Variants in ITPRIP observed in about 807,000 individuals in gnomAD.
ITPRIP encodes the protein inositol 1,4,5-trisphosphate receptor-interacting protein.
A neutral mutation model predicts 35.8 loss-of-function variants in ITPRIP; 32 were observed. That is an observed-to-expected ratio of 0.89 (90% CI 0.68 to 1.20). The LOEUF is 1.20. ITPRIP is among the 50% of genes most tolerant of loss of function. The pLI, the probability that ITPRIP is intolerant of heterozygous loss-of-function variation, is 0.00. For synonymous variants in ITPRIP, 358 were observed against 324.0 expected (o/e 1.11, Z -1.13); for missense variants, 653 against 735.6 (o/e 0.89, Z 1.30).
intron 1 of ITPRIP, among the ~76,000 whole-genome samples, chr10:104,325,404 C>T (rs140157477): frequency 2.3e-3 from 345 of 152,318 alleles, no homozygotes; most frequent in Non-Finnish European, 3.8e-3. Flanking sequence ...CCCTGAAATA[C>T]TGGCTCCACC....
chr10:104,332,014 G>A (rs1170013508), intron 1 of ITPRIP, among the ~76,000 whole-genome samples: 3 of 152,210 alleles, frequency 2.0e-5, no homozygotes, highest in Non-Finnish European at 4.4e-5. Context: ...GACGCCTGAG[G>A]TGGCAGAAAG....
intron 1 of ITPRIP, among the ~76,000 whole-genome samples, chr10:104,318,065 C>T (rs901668151): frequency 6.6e-6 from 1 of 152,012 alleles, no homozygotes; most frequent in Non-Finnish European, 1.5e-5. Flanking sequence ...AGGAGGAAAG[C>T]GGGGACAGGA....
rs142672936 is a variant in ITPRIP, at chr10:104,333,296, G to A, written c.-14+4950C>T. 190 of 152,782 alleles carry A rather than the reference G, an allele frequency of 1.2e-3. No individual in the cohort carries two copies. The highest frequency in any genetic ancestry group is 3.8e-4 in the Non-Finnish European group (26 of 68,382). 9.5% of individuals were successfully genotyped at this position (152,782 alleles called of 1,614,324 possible). On this transcript the variant is annotated intron_variant, in intron 1 of 1. Coordinates refer to ENST00000337478, the MANE Select transcript of ITPRIP (RefSeq NM_001272013.2). The surrounding 1 kb of genome is among the most constrained non-coding windows in gnomAD (Gnocchi z 4.1). ...ACCTCCCTCTTCTATTCACCCTGCC[G>A]CTAACTGGGCCCATCCTCTCCCCAG...
intron 1 of ITPRIP, 72 bp from the exon 2 acceptor site, chr10:104,316,136 C>A: frequency 7.8e-7 from 1 of 1,277,182 alleles, no homozygotes; most frequent in South Asian, 1.5e-5. Context: ...CCCGCACCAA[C>A]CTCAGCCCCT....
In ITPRIP at chr10:104,313,464, T is replaced by TA. The variant is rs1278485760; in HGVS notation, c.*943dup. ...CTTGTGGTTGCCAATGAAGAAGTGA[T>TA]AGAGTTTCTTTTCCAGCTGTCCTTT... On this transcript the variant is annotated 3_prime_UTR_variant, in exon 2 of 2. Coordinates refer to ENST00000337478, the MANE Select transcript of ITPRIP (RefSeq NM_001272013.2). The TA allele has an allele frequency of 1.0e-6, 1 of 985,790 alleles. No individual in the cohort carries two copies. Among genetic ancestry groups the TA allele is most frequent in the Non-Finnish European group, 1.2e-6 (1 of 830,148 alleles). 61.1% of individuals were successfully genotyped at this position (985,790 alleles called of 1,614,324 possible). A position where few individuals can be genotyped will look rare whatever the true frequency, so the allele number is the denominator to read the frequency against.
At chr10:104,320,699 G>A (rs1045692381) in intron 1 of ITPRIP, among the ~76,000 whole-genome samples, 13 of 151,880 alleles carry the variant, frequency 8.6e-5, no homozygotes, top group Admixed American at 2.6e-4. Flanking sequence ...CACCATGCCC[G>A]GCTAATTTTT....
chr10:104,317,960 A>G (rs938820136), intron 1 of ITPRIP, among the ~76,000 whole-genome samples: 1 of 152,150 alleles, frequency 6.6e-6, no homozygotes, highest in African/African-American at 2.4e-5. Flanking sequence ...AGGAACCACA[A>G]GGGTTGGGGA....
chr10:104,337,941 G>C (rs1003031681), intron 1 of ITPRIP, among the ~76,000 whole-genome samples: 4 of 152,222 alleles, frequency 2.6e-5, no homozygotes, highest in African/African-American at 9.6e-5. Context: ...GGGCTCCGAG[G>C]CTGCGCGCGC....
In ITPRIP at chr10:104,310,760, G is replaced by A. The variant is rs1338477363; in HGVS notation, c.*3648C>T. The A allele has an allele frequency of 1.3e-5, 2 of 152,126 alleles. No individual in the cohort carries two copies. Among genetic ancestry groups the A allele is most frequent in the Admixed American group, 1.3e-4 (2 of 15,274 alleles). 9.4% of individuals were successfully genotyped at this position (152,126 alleles called of 1,614,324 possible). On this transcript the variant is annotated 3_prime_UTR_variant, in exon 2 of 2. Transcript: ENST00000337478. ...GAATGTCTTTCCTGGCCACAGTCCTGGTCATTTTTCAGAGTCTCTATCTGG... is the reference window on the plus strand; with the variant it reads ...GAATGTCTTTCCTGGCCACAGTCCTAGTCATTTTTCAGAGTCTCTATCTGG...
chr10:104,331,236 C>T (rs564518288), intron 1 of ITPRIP, among the ~76,000 whole-genome samples: 1 of 152,198 alleles, frequency 6.6e-6, no homozygotes, highest in South Asian at 2.1e-4. Context: ...AGGGGTAGGA[C>T]CCAGGCAGCC....
Position 104,313,736 on chromosome 10 carries a change from G to T in ITPRIP, c.*672C>A, listed in dbSNP as rs886967409. Reference sequence around the variant, plus strand: ...AGGGTGCAGCTGAGTGAGAAGTGTAGCTGAAAAAGTGGCTAATTGTGTTTC... The same window carrying T: ...AGGGTGCAGCTGAGTGAGAAGTGTATCTGAAAAAGTGGCTAATTGTGTTTC... On this transcript the variant is annotated 3_prime_UTR_variant, in exon 2 of 2. Coordinates refer to ENST00000337478, the MANE Select transcript of ITPRIP (RefSeq NM_001272013.2). 8.1e-6 allele frequency: 8 copies of T among 985,530 alleles called. No homozygotes were observed. The highest frequency in any genetic ancestry group is 9.6e-6 in the Non-Finnish European group (8 of 830,012). The allele number at this position is 985,530 out of a possible 1,614,324, so 61.0% of individuals were successfully genotyped here.
chr10:104,328,129 G>C lies in ITPRIP; in HGVS notation c.-14+10117C>G. ...CACAAATGCCCACCACTTGCAGGAA[G>C]GATGCCTCTCCCACAGCCAGCCTGC... On this transcript the variant is annotated intron_variant, in intron 1 of 1. Transcript: ENST00000337478. The surrounding 1 kb of genome is among the most constrained non-coding windows in gnomAD (Gnocchi z 4.1). 1.4e-6 allele frequency: 1 copy of C among 692,680 alleles called. No homozygotes were observed. Among genetic ancestry groups the C allele is most frequent in the Non-Finnish European group, 1.8e-6 (1 of 562,526 alleles). 42.9% of individuals were successfully genotyped at this position (692,680 alleles called of 1,614,324 possible).
intron 1 of ITPRIP, among the ~76,000 whole-genome samples, chr10:104,334,973 A>T (rs1480733130): frequency 6.6e-6 from 1 of 152,220 alleles, no homozygotes; most frequent in Non-Finnish European, 1.5e-5. Flanking sequence ...CTCAGGGTGA[A>T]TCAGTAGCTT....
Position 104,315,658 on chromosome 10 carries a change from G to GC in ITPRIP, c.393dup (p.Gln132AlafsTer16). 1 of 1,612,318 alleles carries GC rather than the reference G, an allele frequency of 6.2e-7. No individual in the cohort carries two copies. The highest frequency in any genetic ancestry group is 8.5e-7 in the Non-Finnish European group (1 of 1,179,858). On this transcript the variant is annotated frameshift_variant, in exon 2 of 2. Transcript: ENST00000337478. LOFTEE classifies it high-confidence loss of function. The surrounding 1 kb of genome is among the most constrained non-coding windows in gnomAD (Gnocchi z 5.7). ...GCCTTGTTGGGCAGGGTGAGGCCCT[G>GC]CAAGGGGGCGCCCCCCAGCCCAGGC...
chr10:104,315,116 C>G lies in ITPRIP; in HGVS notation c.936G>C (p.Trp312Cys). The G allele has an allele frequency of 6.2e-7, 1 of 1,614,118 alleles. No individual in the cohort carries two copies. The highest frequency in any genetic ancestry group is 8.5e-7 in the Non-Finnish European group (1 of 1,179,976). The part of the protein sequence containing the change: ...KWFQTALTRA[W>C]KGIAHKYEFD... ...ACTCGTACTTGTGGGCGATGCCCTTCCAGGCTCTGGTGAGGGCCGTCTGGA... is the reference window on the plus strand; with the variant it reads ...ACTCGTACTTGTGGGCGATGCCCTTGCAGGCTCTGGTGAGGGCCGTCTGGA... The change falls in exon 2 of 2, where the codon TGG (tryptophan) becomes TGC (cysteine). Residue 312 changes from tryptophan (W) to cysteine (C), a missense_variant. Physicochemically the swap from Trp to Cys is radical, Grantham distance 215 (BLOSUM62 -2). Coordinates refer to ENST00000337478, the MANE Select transcript of ITPRIP (RefSeq NM_001272013.2). This position sits in a 1 kb window ranked among gnomAD's most constrained non-coding sequence, Gnocchi z 5.7.
chr10:104,321,492 G>A (rs1405469548), intron 1 of ITPRIP, among the ~76,000 whole-genome samples: 1 of 152,172 alleles, frequency 6.6e-6, no homozygotes, highest in East Asian at 1.9e-4. Flanking sequence ...CTGGCCGGAA[G>A]CCAAGACCCT....
At chr10:104,320,535 ATTTTTT>A (rs34369154) in intron 1 of ITPRIP, among the ~76,000 whole-genome samples, 1 of 131,670 alleles carries the variant, frequency 7.6e-6, no homozygotes. Flanking sequence ...TCTGCCTGTA[ATTTTTT>A]TTTTTTTTTT....
In ITPRIP at chr10:104,313,665, G is replaced by A. The variant is rs41314479; in HGVS notation, c.*743C>T. On this transcript the variant is annotated 3_prime_UTR_variant, in exon 2 of 2. Coordinates refer to ENST00000337478, the MANE Select transcript of ITPRIP (RefSeq NM_001272013.2). ...ACCCACCACGCTCGGGACCCAGTAC[G>A]TTGGGGAAAGGACAGCAGAAGGGGG... The A allele has an allele frequency of 0.015, 15,261 of 985,520 alleles. 129 individuals are homozygous for A. Among genetic ancestry groups the A allele is most frequent in the African/African-American group, 0.039 (2,236 of 57,342 alleles). The allele number at this position is 985,520 out of a possible 1,614,324, so 61.0% of individuals were successfully genotyped here.
intron 1 of ITPRIP, among the ~76,000 whole-genome samples, chr10:104,329,244 C>A (rs2014100073): frequency 6.6e-6 from 1 of 151,792 alleles, no homozygotes; most frequent in Non-Finnish European, 1.5e-5. Flanking sequence ...AACAATAGAG[C>A]CGGGCCTCTG....
Sources: allele counts gnomAD v4.1 joint callset (sites outside exome capture counted in the v4.1 genomes callset), GRCh38; gene constraint gnomAD v4.1.1; non-coding constraint Gnocchi (gnomAD v3.1); transcripts MANE v1.5; gene names NCBI Gene and HGNC (gene_info 2026-07-23, HGNC 2026-07-21).